The following AFF3 variants were observed in gnomAD, a reference collection of about 807,000 sequenced individuals.
The protein encoded by AFF3 is AF4/FMR2 family member 3.
AFF3 carries 32 observed loss-of-function variants against 129.7 expected under a neutral mutation model. That is an observed-to-expected ratio of 0.25 (90% CI 0.19 to 0.33). AFF3 has a LOEUF of 0.33. AFF3 is among the 10% of genes least tolerant of loss of function. The probability of loss-of-function intolerance (pLI) is 1.00; values close to 1 mark genes in which losing one functional copy is unlikely to be tolerated. For synonymous variants in AFF3, 644 were observed against 635.4 expected, an observed-to-expected ratio of 1.01 and a Z score of -0.20; for missense variants, 1,373 against 1,592.0, an observed-to-expected ratio of 0.86 and a Z score of 2.34.
At chr2:99,555,858 T>C (rs559663815) in intron 22 of AFF3, among the ~76,000 whole-genome samples, 4 of 152,316 alleles carry the variant, frequency 2.6e-5, no homozygotes, top group South Asian at 2.1e-4. Flanking sequence ...TGGCAAGATG[T>C]AAATGTAAGG....
chr2:100,080,596 A>T (rs533593264), intron 4 of AFF3, among the ~76,000 whole-genome samples: 48 of 152,244 alleles, frequency 3.2e-4, no homozygotes, highest in East Asian at 1.9e-3. Context: ...TAGCAAAAAA[A>T]ATATATACAT....
At chr2:99,735,561 C>T (rs746299938) in intron 10 of AFF3, among the ~76,000 whole-genome samples, 2 of 151,480 alleles carry the variant, frequency 1.3e-5, no homozygotes, top group African/African-American at 4.9e-5. Context: ...GGTGAGATCT[C>T]GGCTCACAGC....
chr2:99,604,727 T>G (rs944671033), intron 13 of AFF3, among the ~76,000 whole-genome samples: 8 of 152,160 alleles, frequency 5.3e-5, no homozygotes, highest in African/African-American at 1.4e-4. Flanking sequence ...AAAAGCTTCC[T>G]TGTTAGAAGG....
At chr2:99,667,871 T>G (rs1411659026) in intron 12 of AFF3, among the ~76,000 whole-genome samples, 3 of 152,126 alleles carry the variant, frequency 2.0e-5, no homozygotes, top group Non-Finnish European at 4.4e-5. Context: ...AATATTTTTT[T>G]TTTGGCTGGG....
intron 11 of AFF3, among the ~76,000 whole-genome samples, chr2:99,683,955 T>C (rs1390148946): frequency 2.6e-5 from 4 of 152,184 alleles, no homozygotes; most frequent in Admixed American, 1.3e-4. Context: ...TTCCTTGTAG[T>C]TTTATTCTTC....
chr2:99,767,853 G>A (rs1053172611), intron 8 of AFF3, among the ~76,000 whole-genome samples: 2 of 152,194 alleles, frequency 1.3e-5, no homozygotes, highest in Non-Finnish European at 2.9e-5. Context: ...GCTGAGGCAG[G>A]AGAATAGCAT....
intron 4 of AFF3, among the ~76,000 whole-genome samples, chr2:100,021,845 CT>C (rs1405459786): frequency 6.6e-6 from 1 of 152,128 alleles, no homozygotes; most frequent in Non-Finnish European, 1.5e-5. Flanking sequence ...TGCATGGAAA[CT>C]GTGGATATTA....
chr2:99,948,867 T>C (rs1038010731), intron 7 of AFF3, among the ~76,000 whole-genome samples: 1 of 152,180 alleles, frequency 6.6e-6, no homozygotes, highest in Non-Finnish European at 1.5e-5. Flanking sequence ...GCAATATGAA[T>C]ACTGGGAAAG....
At chr2:99,772,808 C>T (rs1055367942) in intron 8 of AFF3, among the ~76,000 whole-genome samples, 9 of 152,182 alleles carry the variant, frequency 5.9e-5, no homozygotes, top group African/African-American at 2.2e-4. Context: ...GGGGCGACTG[C>T]AGCTAAGGGA....
intron 7 of AFF3, among the ~76,000 whole-genome samples, chr2:99,846,137 A>G (rs1689704896): frequency 7.4e-6 from 1 of 134,326 alleles, no homozygotes; most frequent in Admixed American, 7.8e-5. Flanking sequence ...CAGCCTATGT[A>G]TTTACTTTTG....
At chr2:99,836,144 A>G (rs1688857756) in intron 8 of AFF3, among the ~76,000 whole-genome samples, 1 of 152,204 alleles carries the variant, frequency 6.6e-6, no homozygotes, top group African/African-American at 2.4e-5. Flanking sequence ...AGAGAGAATA[A>G]GAAGGTAGAC....
chr2:99,636,957 CT>C (rs1332915754), intron 13 of AFF3, among the ~76,000 whole-genome samples: 10 of 152,178 alleles, frequency 6.6e-5, no homozygotes, highest in African/African-American at 2.4e-4. Context: ...AGGGCAGGCC[CT>C]GTGCCCAGAG....
At chr2:100,111,986 T>C (rs182905978) in intron 2 of AFF3, among the ~76,000 whole-genome samples, 19 of 152,344 alleles carry the variant, frequency 1.2e-4, no homozygotes, top group Admixed American at 1.2e-3. Flanking sequence ...GGAACAACAT[T>C]CTTCCTTATA....
At chr2:100,076,533 T>C (rs912006820) in intron 4 of AFF3, among the ~76,000 whole-genome samples, 1 of 152,124 alleles carries the variant, frequency 6.6e-6, no homozygotes, top group Non-Finnish European at 1.5e-5. Flanking sequence ...TCAAAACACC[T>C]ATGGCTCCAG....
Position 99,721,028 on chromosome 2 carries a change from A to G in AFF3, c.1091+6049T>C, listed in dbSNP as rs559443544. 2.0e-5 allele frequency among the ~76,000 whole-genome samples: 3 copies of G among 152,324 alleles called. No homozygotes were observed. The East Asian group carries it at 5.8e-4, about 29-fold the overall frequency. On this transcript the variant is annotated intron_variant, in intron 11 of 24. Coordinates refer to ENST00000672756, the MANE Select transcript of AFF3 (RefSeq NM_001386135.1). The stretch of plus-strand genomic sequence containing the variant: ...ATATTTTGATTCTTACATTAATTAA[A>G]AAAAGATTTACCCACATATTTATTA...
chr2:99,850,100 T>G (rs1157303480), intron 7 of AFF3, among the ~76,000 whole-genome samples: 3 of 152,242 alleles, frequency 2.0e-5, no homozygotes, highest in Non-Finnish European at 4.4e-5. Context: ...GGTATGGGAC[T>G]GTGGGATGGG....
chr2:99,741,427 A>G (rs1305516636), intron 10 of AFF3, among the ~76,000 whole-genome samples: 2 of 152,128 alleles, frequency 1.3e-5, no homozygotes, highest in African/African-American at 4.8e-5. Flanking sequence ...CACCAACAAC[A>G]GACAAACAGA....
intron 8 of AFF3, among the ~76,000 whole-genome samples, chr2:99,815,930 A>C (rs10176869): frequency 0.61 from 93,002 of 151,528 alleles, 30,101 homozygotes; most frequent in South Asian, 0.79. Flanking sequence ...ATTTTGGAAA[A>C]TTCTTGGCCC....
intron 12 of AFF3, among the ~76,000 whole-genome samples, chr2:99,653,846 T>A (rs1215418408): frequency 6.6e-6 from 1 of 151,468 alleles, no homozygotes; most frequent in African/African-American, 2.4e-5. Flanking sequence ...AGCATGGTAC[T>A]TAGCACCATC....
Sources: allele counts gnomAD v4.1 joint callset (sites outside exome capture counted in the v4.1 genomes callset), GRCh38; gene constraint gnomAD v4.1.1; transcripts MANE v1.5; gene names NCBI Gene and HGNC (gene_info 2026-07-23, HGNC 2026-07-21).